Variants in PLA2G4D observed in about 807,000 individuals in gnomAD.
PLA2G4D encodes cytosolic phospholipase A2 delta.
In PLA2G4D, 80 loss-of-function variants were observed where a neutral mutation model predicts 94.4. The ratio of observed to expected loss-of-function variants is 0.85; its 90% CI spans 0.71 to 1.02. PLA2G4D has a LOEUF of 1.02. Among genes scored for constraint, PLA2G4D ranks in the 50% least tolerant of loss-of-function variants. The pLI, the probability that PLA2G4D is intolerant of heterozygous loss-of-function variation, is 0.00. For synonymous variants in PLA2G4D, 438 were observed against 440.9 expected, an observed-to-expected ratio of 0.99 and a Z score of 0.08; for missense variants, 1,050 against 1,034.7, an observed-to-expected ratio of 1.01 and a Z score of -0.20.
intron 1 of PLA2G4D, among the ~76,000 whole-genome samples, chr15:42,092,643 T>A (rs976586674): frequency 2.0e-5 from 3 of 152,154 alleles, no homozygotes; most frequent in African/African-American, 7.2e-5. Flanking sequence ...CAGTCACCTG[T>A]AGGATCCCCC....
intron 19 of PLA2G4D, 111 bp downstream of exon 19, chr15:42,069,798 A>T: frequency 9.8e-7 from 1 of 1,023,386 alleles, no homozygotes; most frequent in Non-Finnish European, 1.3e-6. Context: ...GCCTAGCCTG[A>T]AGCCTTCTCC....
rs1889768019 is a variant in PLA2G4D, at chr15:42,069,922, G to C, written c.2217C>G (p.Asp739Glu). 1 of 1,432,176 alleles carries C rather than the reference G, an allele frequency of 7.0e-7. No homozygotes were observed. Among genetic ancestry groups the C allele is most frequent in the African/African-American group, 1.5e-5 (1 of 66,300 alleles). The allele number at this position is 1,432,176 out of a possible 1,614,324, so 88.7% of individuals were successfully genotyped here. A position where few individuals can be genotyped will look rare whatever the true frequency, so the allele number is the denominator to read the frequency against. ...GGGCTGCCTCACCGGGGGCTGAGTG[G>C]TCCTTGAAGGAGGCATTGACCAGCG... Reference protein sequence around the residue: ...HFPLVNASFKDHSAPGVQRSP... With the variant: ...HFPLVNASFKEHSAPGVQRSP... The change falls in exon 19 of 20, where the codon GAC (aspartate) becomes GAG (glutamate). Residue 739 changes from aspartate to glutamate, a missense_variant. Transcript: ENST00000290472.
rs1169960193 is a variant in PLA2G4D, at chr15:42,085,491, G to T, written c.428C>A (p.Thr143Lys). The part of the protein sequence containing the change: ...ELDVEFLMEE[T>K]SDRPENLITN... ...CCCTGGGCTGTGTGACATTACTCAC[G>T]TTTCTTCCATCAGGAACTCCACATC... Residue 143 changes from threonine to lysine, a missense_variant and splice_region_variant, in exon 5 of 20, where the codon ACG becomes AAG. Thr to Lys is a moderately conservative substitution (Grantham distance 78, BLOSUM62 -1). Transcript: ENST00000290472. 6.2e-7 allele frequency: 1 copy of T among 1,614,052 alleles called. No homozygotes were observed. The highest frequency in any genetic ancestry group is 1.1e-5 in the South Asian group (1 of 91,078).
intron 6 of PLA2G4D, 36 bp from the exon 7 acceptor site, chr15:42,083,815 AG>A (rs763498675): frequency 6.2e-7 from 1 of 1,607,682 alleles, no homozygotes; most frequent in South Asian, 1.1e-5. Context: ...GGGCCTCTGC[AG>A]GGTAAGCTGA....
chr15:42,081,880 A>C, intron 9 of PLA2G4D, 46 bp from the exon 10 acceptor site: 1 of 1,609,808 alleles, frequency 6.2e-7, no homozygotes. Flanking sequence ...CTAGACCCTA[A>C]GCGGCACATG....
At chr15:42,094,364 G>A in intron 1 of PLA2G4D, 51 bp downstream of exon 1, 1 of 1,605,190 alleles carries the variant, frequency 6.2e-7, no homozygotes, top group Non-Finnish European at 8.5e-7. Context: ...AATGCACCCT[G>A]GCTCCAGGCC....
chr15:42,087,395 C>T lies in PLA2G4D; in HGVS notation c.160G>A (p.Ala54Thr), dbSNP rs761730190. Residue 54 changes from alanine to threonine, a missense_variant, in exon 3 of 20, where the codon GCA becomes ACA. Physicochemically the swap from Ala to Thr is moderately conservative, Grantham distance 58. Transcript: ENST00000290472. ...TTGGTCTTAAACTTCATTCCAGGTG[C>T]GGTCGACAGCTGTAGGATCACGTAA... Reference protein sequence around the residue: ...DPYVILQLSTAPGMKFKTKTL... With the variant: ...DPYVILQLSTTPGMKFKTKTL... The T allele has an allele frequency of 9.9e-6, 16 of 1,614,134 alleles. No homozygotes were observed. Among genetic ancestry groups the T allele is most frequent in the East Asian group, 4.5e-5 (2 of 44,884 alleles).
At chr15:42,071,053 C>A in intron 17 of PLA2G4D, 70 bp downstream of exon 17, 1 of 1,576,736 alleles carries the variant, frequency 6.3e-7, no homozygotes. Context: ...TCCTAGGCCT[C>A]AGCCAGTCCC....
At position 42,070,870 on chromosome 15, in the gene PLA2G4D, G is replaced by A. The variant is rs1187128759; in HGVS notation, c.1890C>T (p.Asp630=). The A allele has an allele frequency of 2.5e-6, 4 of 1,611,780 alleles. No individual in the cohort carries two copies. The highest frequency in any genetic ancestry group is 1.7e-5 in the Admixed American group (1 of 59,750). ...TGGGGGTCAGCTGGCTGGGCATGGA[G>A]TCAAGCTGGTAGTCTGGTGGGAATC... The part of the protein sequence containing the change: ...DFSTWADYQL[D]SMPSQLTPKE... Residue 630 remains aspartate, a synonymous_variant, in exon 18 of 20, where the codon GAC becomes GAT. Transcript: ENST00000290472.
At chr15:42,072,764 A>T (rs1420463798) in intron 13 of PLA2G4D, among the ~76,000 whole-genome samples, 2 of 152,220 alleles carry the variant, frequency 1.3e-5, no homozygotes, top group Non-Finnish European at 2.9e-5. Context: ...TGTAGAAAGG[A>T]TGCAGCAATG....
chr15:42,071,480 A>G lies in PLA2G4D; in HGVS notation c.1645T>C (p.Trp549Arg). Residue 549 changes from tryptophan to arginine, a missense_variant, in exon 16 of 20, where the codon TGG becomes CGG. Trp to Arg is a moderately radical substitution (Grantham distance 101). Coordinates refer to ENST00000290472, the MANE Select transcript of PLA2G4D (RefSeq NM_178034.4). ...WYDLTSSGES[W>R]KQHIKDKTRS... The stretch of plus-strand genomic sequence containing the variant: ...GTCTTGTCCTTGATGTGCTGTTTCC[A>G]GGACTCCCCAGAACTGGTGAGGTCA... The G allele has an allele frequency of 6.2e-7, 1 of 1,613,836 alleles. No individual in the cohort carries two copies. Among genetic ancestry groups the G allele is most frequent in the Non-Finnish European group, 8.5e-7 (1 of 1,179,844 alleles).
intron 11 of PLA2G4D, 97 bp from the exon 12 acceptor site, chr15:42,081,230 G>C: frequency 4.6e-6 from 7 of 1,531,502 alleles, no homozygotes; most frequent in Non-Finnish European, 6.1e-6. Flanking sequence ...TCCAGGGAAG[G>C]GACCGCATAG....
intron 13 of PLA2G4D, among the ~76,000 whole-genome samples, chr15:42,077,542 A>C (rs898120938): frequency 6.6e-6 from 1 of 152,198 alleles, no homozygotes; most frequent in Non-Finnish European, 1.5e-5. Flanking sequence ...TACCTCTCCT[A>C]GGACCTTTGT....
rs1889715573 is a variant in PLA2G4D, at chr15:42,067,830, G to GA, written c.*884dup. 6.6e-6 allele frequency: 1 copy of GA among 152,172 alleles called. No homozygotes were observed. The highest frequency in any genetic ancestry group is 1.5e-5 in the Non-Finnish European group (1 of 68,040). The allele number at this position is 152,172 out of a possible 1,614,324, so 9.4% of individuals were successfully genotyped here. A position where few individuals can be genotyped will look rare whatever the true frequency, so the allele number is the denominator to read the frequency against. Reference sequence around the variant, plus strand: ...TTCTCAACCTGATAAGGATGTCCAAGAAAAACCCACAGCTAAAATCACACT... The same window carrying GA: ...TTCTCAACCTGATAAGGATGTCCAAGAAAAAACCCACAGCTAAAATCACACT... On this transcript the variant is annotated 3_prime_UTR_variant, in exon 20 of 20. Coordinates refer to ENST00000290472, the MANE Select transcript of PLA2G4D (RefSeq NM_178034.4).
At position 42,071,317 on chromosome 15, in the gene PLA2G4D, T is replaced by C. The variant is rs1889811201; in HGVS notation, c.1682A>G (p.Glu561Gly). The change falls in exon 17 of 20, where the codon GAG (glutamate) becomes GGG (glycine). Residue 561 changes from glutamate to glycine, a missense_variant and splice_region_variant. Transcript: ENST00000290472. ...QHIKDKTRSLEKEPLTTSGTS... is the reference protein window; with the variant it reads ...QHIKDKTRSLGKEPLTTSGTS... ...CCCCGAGGTGGTCAGGGGCTCCTTC[T>C]CTGAAGCCAGAGAAACAGAAATTGG... 1 of 1,577,796 alleles carries C rather than the reference T, an allele frequency of 6.3e-7. No individual in the cohort carries two copies. Among genetic ancestry groups the C allele is most frequent in the Non-Finnish European group, 8.6e-7 (1 of 1,165,946 alleles).
rs1595588996 is a variant in PLA2G4D at position 42,069,933 on chromosome 15, A to T, written c.2206T>A (p.Ser736Thr). 7 of 1,439,236 alleles carry T rather than the reference A, an allele frequency of 4.9e-6. No homozygotes were observed. Among genetic ancestry groups the T allele is most frequent in the Non-Finnish European group, 6.4e-6 (7 of 1,097,382 alleles). 89.2% of individuals were successfully genotyped at this position (1,439,236 alleles called of 1,614,324 possible). Residue 736 changes from serine (S) to threonine (T), a missense_variant, in exon 19 of 20, where the codon TCC becomes ACC. Ser to Thr is a moderately conservative substitution (Grantham distance 58, BLOSUM62 1). Transcript: ENST00000290472. Reference sequence around the variant, plus strand: ...CCGGGGGCTGAGTGGTCCTTGAAGGAGGCATTGACCAGCGGGAAGTGCAGC... The same window carrying T: ...CCGGGGGCTGAGTGGTCCTTGAAGGTGGCATTGACCAGCGGGAAGTGCAGC... ...ILLHFPLVNASFKDHSAPGVQ... is the reference protein window; with the variant it reads ...ILLHFPLVNATFKDHSAPGVQ...
At position 42,071,929 on chromosome 15, in the gene PLA2G4D, A is replaced by C. The variant is rs778242306; in HGVS notation, c.1436-18T>G. 3.1e-6 allele frequency: 5 copies of C among 1,612,818 alleles called. No homozygotes were observed. In the South Asian group the frequency reaches 4.4e-5, roughly 14 times the overall value. On this transcript the variant is annotated intron_variant, in intron 14 of 19. Transcript: ENST00000290472. ...AACCCACTCTAATGGGGTGGGAAGG[A>C]GAGGCAGGAGTGTGAGGGGAGTGGA...
chr15:42,082,488 T>C (rs1037098886), intron 8 of PLA2G4D, 99 bp from the exon 9 acceptor site: 1 of 698,820 alleles, frequency 1.4e-6, no homozygotes, highest in African/African-American at 1.8e-5. Context: ...TCCCTGATAA[T>C]ACAGAATATT....
chr15:42,071,654 A>AT (rs2141092831), intron 15 of PLA2G4D, 103 bp from the exon 16 acceptor site: 1 of 1,393,888 alleles, frequency 7.2e-7, no homozygotes. Context: ...CCTACAATGC[A>AT]TCCCCCCCGC....
Sources: allele counts gnomAD v4.1 joint callset (sites outside exome capture counted in the v4.1 genomes callset), GRCh38; gene constraint gnomAD v4.1.1; transcripts MANE v1.5; gene names NCBI Gene and HGNC (gene_info 2026-07-23, HGNC 2026-07-21).